Variants in TRABD2A observed in about 807,000 individuals in gnomAD.
TRABD2A encodes metalloprotease TIKI1.
Under a neutral mutation model 45.6 loss-of-function variants are expected in TRABD2A, and 43 were observed. The ratio of observed to expected loss-of-function variants is 0.94; its 90% CI spans 0.74 to 1.22. The LOEUF is 1.22. Among genes scored for constraint, TRABD2A ranks in the 50% most tolerant of loss-of-function variants. The pLI is 0.00. For missense variants in TRABD2A, 642 were observed against 652.4 expected (o/e 0.98, Z 0.17); for synonymous variants, 269 against 265.0 (o/e 1.02, Z -0.15).
intron 2 of TRABD2A, among the ~76,000 whole-genome samples, chr2:84,847,649 C>T (rs1054117439): frequency 1.3e-5 from 2 of 152,188 alleles, no homozygotes; most frequent in Non-Finnish European, 2.9e-5. Flanking sequence ...TGGATCCACC[C>T]GGCCAGTGCT....
At chr2:84,880,681 CG>C (rs1271607230) in intron 1 of TRABD2A, among the ~76,000 whole-genome samples, 2 of 152,260 alleles carry the variant, frequency 1.3e-5, no homozygotes, top group Non-Finnish European at 2.9e-5. Flanking sequence ...CTCTCTCGGA[CG>C]CCCTTGGGCT....
At chr2:84,859,954 G>T (rs1682438636) in intron 2 of TRABD2A, among the ~76,000 whole-genome samples, 1 of 151,944 alleles carries the variant, frequency 6.6e-6, no homozygotes, top group South Asian at 2.1e-4. Flanking sequence ...AGAGATGGGG[G>T]GGGGTCTCAC....
intron 2 of TRABD2A, among the ~76,000 whole-genome samples, chr2:84,850,361 T>G (rs529145766): frequency 5.9e-5 from 9 of 152,266 alleles, no homozygotes; most frequent in African/African-American, 2.2e-4. Flanking sequence ...TCACCCTTCC[T>G]CCACCCCCAC....
At chr2:84,857,032 T>G (rs531505374) in intron 2 of TRABD2A, among the ~76,000 whole-genome samples, 1 of 152,140 alleles carries the variant, frequency 6.6e-6, no homozygotes, top group African/African-American at 2.4e-5. Context: ...GAAAAGGCTG[T>G]GTGAGGTCAC....
chr2:84,859,565 G>A lies in TRABD2A; in HGVS notation c.669+10660C>T, dbSNP rs569059312. Among the ~76,000 whole-genome samples the A allele has an allele frequency of 7.9e-5, 12 of 152,350 alleles. No homozygotes were observed. In the South Asian group the frequency reaches 1.9e-3, roughly 24 times the overall value. On this transcript the variant is annotated intron_variant, in intron 2 of 6. Coordinates refer to ENST00000409520, the MANE Select transcript of TRABD2A (RefSeq NM_001277053.2). ...CTCATTGGTGGTATGGACAGCAGAC[G>A]CTATGAGTTCAGGAGAAAAGAGGGT...
intron 1 of TRABD2A, among the ~76,000 whole-genome samples, chr2:84,872,707 A>G (rs1322726636): frequency 6.6e-6 from 1 of 152,246 alleles, no homozygotes; most frequent in African/African-American, 2.4e-5. Context: ...TTGCCACAAA[A>G]TTAGCAAATA....
chr2:84,854,643 C>T (rs79492263), intron 2 of TRABD2A, among the ~76,000 whole-genome samples: 16,910 of 152,138 alleles, frequency 0.11, 1,268 homozygotes, highest in Non-Finnish European at 0.16. Flanking sequence ...GGCCTTGGTG[C>T]CTCCCAGGCC....
intron 5 of TRABD2A, among the ~76,000 whole-genome samples, chr2:84,825,109 G>A (rs1681112816): frequency 6.6e-6 from 1 of 152,210 alleles, no homozygotes; most frequent in African/African-American, 2.4e-5. Context: ...GTCTCCTGAT[G>A]TAGGTAGGTA....
Position 84,870,504 on chromosome 2 carries a change from G to A in TRABD2A, c.390C>T (p.Val130=), listed in dbSNP as rs759651702. The A allele has an allele frequency of 5.0e-6, 8 of 1,614,034 alleles. No homozygotes were observed. The highest frequency in any genetic ancestry group is 3.3e-4 in the Middle Eastern group (2 of 6,062). ...YCRLKRHLEY[V]KLMMPLWMTP... ...TCATCCACAAGGGCATCATGAGCTTGACATACTCCAGGTGGCGCTTGAGGC... is the reference window on the plus strand; with the variant it reads ...TCATCCACAAGGGCATCATGAGCTTAACATACTCCAGGTGGCGCTTGAGGC... The change falls in exon 2 of 7, where the codon GTC becomes GTT. Residue 130 remains valine, a synonymous_variant. Coordinates refer to ENST00000409520, the MANE Select transcript of TRABD2A (RefSeq NM_001277053.2).
rs1683180291 is a variant in TRABD2A, at chr2:84,880,868, G to A, written c.108+64C>T. ...CCGAAAGCGCTGCTTCGCGGGGTTC[G>A]GAGGGAAACCATCCCAAGGAGGTGC... On this transcript the variant is annotated intron_variant, in intron 1 of 6. Coordinates refer to ENST00000409520, the MANE Select transcript of TRABD2A (RefSeq NM_001277053.2). The A allele has an allele frequency of 7.8e-6, 12 of 1,545,740 alleles. No individual in the cohort carries two copies. In the South Asian group the frequency reaches 8.3e-5, roughly 11 times the overall value.
In TRABD2A at chr2:84,830,703, A is replaced by G. The variant is rs1266600319; in HGVS notation, c.1082+1352T>C. Among the ~76,000 whole-genome samples the G allele has an allele frequency of 6.6e-6, 1 of 152,176 alleles. No homozygotes were observed. Among genetic ancestry groups the G allele is most frequent in the Non-Finnish European group, 1.5e-5 (1 of 68,036 alleles). On this transcript the variant is annotated intron_variant, in intron 5 of 6. Transcript: ENST00000409520. The surrounding 1 kb of genome is among the most constrained non-coding windows in gnomAD (Gnocchi z 4.9). ...AAGGGCGGTCAGTATTGACATACTG[A>G]ATACAGGGCATGAAGACAGGTGGGG...
At chr2:84,871,436 C>A (rs1164056785) in intron 1 of TRABD2A, among the ~76,000 whole-genome samples, 1 of 152,142 alleles carries the variant, frequency 6.6e-6, no homozygotes, top group East Asian at 1.9e-4. Context: ...TGGGTCCCAC[C>A]CCAGACCAAT....
At chr2:84,827,218 C>T (rs569621413) in intron 5 of TRABD2A, among the ~76,000 whole-genome samples, 5 of 152,184 alleles carry the variant, frequency 3.3e-5, no homozygotes, top group African/African-American at 1.2e-4. Context: ...AGGGCTACCC[C>T]CTTGTGCTGA....
In TRABD2A at chr2:84,830,904, AGGG is replaced by A. The variant is rs1407580699; in HGVS notation, c.1082+1148_1082+1150del. Reference sequence around the variant, plus strand: ...AGACACAACTGCTGGATCCTCTGCCAGGGGATGGGCATTTGCATCCTGGAACTC... The same window carrying A: ...AGACACAACTGCTGGATCCTCTGCCAGATGGGCATTTGCATCCTGGAACTC... On this transcript the variant is annotated intron_variant, in intron 5 of 6. Coordinates refer to ENST00000409520, the MANE Select transcript of TRABD2A (RefSeq NM_001277053.2). The surrounding 1 kb of genome is among the most constrained non-coding windows in gnomAD (Gnocchi z 4.9). 6.6e-6 allele frequency among the ~76,000 whole-genome samples: 1 copy of A among 152,142 alleles called. No individual in the cohort carries two copies. Among genetic ancestry groups the A allele is most frequent in the Non-Finnish European group, 1.5e-5 (1 of 68,030 alleles).
chr2:84,880,643 G>A (rs547116187), intron 1 of TRABD2A, among the ~76,000 whole-genome samples: 2 of 152,350 alleles, frequency 1.3e-5, no homozygotes, highest in Admixed American at 1.3e-4. Flanking sequence ...CCGAAAGCTC[G>A]CGAAAATGGC....
chr2:84,845,362 T>A (rs544612436), intron 2 of TRABD2A, among the ~76,000 whole-genome samples: 5 of 152,196 alleles, frequency 3.3e-5, no homozygotes, highest in Admixed American at 3.3e-4. Context: ...AAAAAATAAA[T>A]AAATAAAATG....
rs2105382181 is a variant in TRABD2A, at chr2:84,841,850, AG to A, written c.816+10del. The stretch of plus-strand genomic sequence containing the variant: ...TGTGTGCTGAGCTTGGCAGGGGGAA[AG>A]GGTGCTCACCTGGGAGCTGTCATGG... On this transcript the variant is annotated intron_variant, in intron 3 of 6. Coordinates refer to ENST00000409520, the MANE Select transcript of TRABD2A (RefSeq NM_001277053.2). 2 of 1,510,238 alleles carry A rather than the reference AG, an allele frequency of 1.3e-6. No homozygotes were observed. Among genetic ancestry groups the A allele is most frequent in the Non-Finnish European group, 8.8e-7 (1 of 1,131,820 alleles). 93.6% of individuals were successfully genotyped at this position (1,510,238 alleles called of 1,614,324 possible).
At chr2:84,848,701 G>A (rs1436966623) in intron 2 of TRABD2A, among the ~76,000 whole-genome samples, 2 of 151,650 alleles carry the variant, frequency 1.3e-5, no homozygotes, top group African/African-American at 4.8e-5. Context: ...TCAGCCACCC[G>A]AGTAGCTGGG....
intron 2 of TRABD2A, among the ~76,000 whole-genome samples, chr2:84,845,758 C>G (rs1681875025): frequency 6.6e-6 from 1 of 152,142 alleles, no homozygotes; most frequent in African/African-American, 2.4e-5. Context: ...CTAAATGATC[C>G]TAAATTTCAA....
Sources: allele counts gnomAD v4.1 joint callset (sites outside exome capture counted in the v4.1 genomes callset), GRCh38; gene constraint gnomAD v4.1.1; non-coding constraint Gnocchi (gnomAD v3.1); transcripts MANE v1.5; gene names NCBI Gene and HGNC (gene_info 2026-07-23, HGNC 2026-07-21).